The following DAB1 variants were observed in gnomAD, a reference collection of about 807,000 sequenced individuals.
DAB1 encodes the protein disabled homolog 1.
DAB1 carries 15 observed loss-of-function variants against 64.6 expected under a neutral mutation model. The observed-to-expected ratio is 0.23, with a 90% CI of 0.16 to 0.36. The LOEUF is 0.36. DAB1 is among the 10% of genes least tolerant of loss of function. DAB1 has a pLI of 1.00. For synonymous variants in DAB1, 235 were observed against 251.9 expected (o/e 0.93, Z 0.64); for missense variants, 596 against 706.7 (o/e 0.84, Z 1.78).
At chr1:57,721,238 G>A (rs1358763639) in intron 6 of DAB1, among the ~76,000 whole-genome samples, 2 of 152,122 alleles carry the variant, frequency 1.3e-5, no homozygotes, top group African/African-American at 4.8e-5. Context: ...TCTAATTCCT[G>A]CCGCTGGAGA....
chr1:57,085,909 T>G lies in DAB1; in HGVS notation c.307-13495A>C, dbSNP rs531011785. Among the ~76,000 whole-genome samples the G allele has an allele frequency of 7.2e-5, 11 of 152,278 alleles. No individual in the cohort carries two copies. In the South Asian group the frequency reaches 1.7e-3, roughly 23 times the overall value. Reference sequence around the variant, plus strand: ...CTGAAGTGACTAAATTAGTAGGAACTGACTAGATAAAAATTAGTGAGTGTG... The same window carrying G: ...CTGAAGTGACTAAATTAGTAGGAACGGACTAGATAAAAATTAGTGAGTGTG... On this transcript the variant is annotated intron_variant, in intron 4 of 14. Transcript: ENST00000371236.
At chr1:57,674,764 T>C (rs764283125) in intron 6 of DAB1, among the ~76,000 whole-genome samples, 2 of 152,214 alleles carry the variant, frequency 1.3e-5, no homozygotes, top group Non-Finnish European at 2.9e-5. Flanking sequence ...GAACTCAGCA[T>C]GAAAATGGGG....
chr1:57,011,036 T>C (rs963469542), intron 13 of DAB1, 109 bp downstream of exon 13: 16 of 1,416,892 alleles, frequency 1.1e-5, no homozygotes, highest in Non-Finnish European at 1.5e-5. Flanking sequence ...ACTTATGAGA[T>C]TGAGCCAGCA....
rs889147627 is a variant in DAB1, at chr1:57,085,003, C to T, written c.307-12589G>A. On this transcript the variant is annotated intron_variant, in intron 4 of 14. Transcript: ENST00000371236. ...AAAGAAATTAGCACCAAATCGCCCC[C>T]TTTTGTGAAAATGCACCAAACACCG... Among the ~76,000 whole-genome samples, 43 of 152,172 alleles carry T rather than the reference C, an allele frequency of 2.8e-4. 1 individual carries two copies. The highest frequency in any genetic ancestry group is 1.0e-3 in the African/African-American group (42 of 41,432).
chr1:58,249,875 C>T (rs894564071), intron 4 of DAB1, among the ~76,000 whole-genome samples: 2 of 152,222 alleles, frequency 1.3e-5, no homozygotes, highest in Non-Finnish European at 2.9e-5. Flanking sequence ...CTCGCCTGCG[C>T]CTTTGCGCGC....
At chr1:58,434,139 G>A (rs907090930) in intron 3 of DAB1, among the ~76,000 whole-genome samples, 3 of 152,178 alleles carry the variant, frequency 2.0e-5, no homozygotes, top group African/African-American at 7.2e-5. Context: ...GTTGGGTTTT[G>A]ATCAGAAAAG....
intron 1 of DAB1, among the ~76,000 whole-genome samples, chr1:57,349,337 G>C (rs572287853): frequency 6.6e-6 from 1 of 151,986 alleles, no homozygotes; most frequent in African/African-American, 2.4e-5. Context: ...CTGTATTCTG[G>C]GTAAGAAGAG....
At chr1:58,453,658 T>C (rs1645162680) in intron 3 of DAB1, among the ~76,000 whole-genome samples, 1 of 152,208 alleles carries the variant, frequency 6.6e-6, no homozygotes, top group Non-Finnish European at 1.5e-5. Context: ...TCCTTGCCTC[T>C]GCAGAAACAC....
At chr1:57,939,184 C>A (rs151167920) in intron 5 of DAB1, among the ~76,000 whole-genome samples, 1 of 152,044 alleles carries the variant, frequency 6.6e-6, no homozygotes, top group African/African-American at 2.4e-5. Context: ...TCTCACATGG[C>A]AGAGAGACAG....
At chr1:57,273,350 C>T (rs535762230) in intron 2 of DAB1, among the ~76,000 whole-genome samples, 1 of 152,166 alleles carries the variant, frequency 6.6e-6, no homozygotes, top group Non-Finnish European at 1.5e-5. Flanking sequence ...GAACATGTTT[C>T]CCATAGGCCA....
chr1:58,408,581 G>A (rs925854570), intron 3 of DAB1, among the ~76,000 whole-genome samples: 1 of 152,164 alleles, frequency 6.6e-6, no homozygotes, highest in Non-Finnish European at 1.5e-5. Flanking sequence ...TGATTGGTGG[G>A]AAAGCAGGGG....
chr1:57,466,493 C>A (rs1243774731), intron 7 of DAB1, among the ~76,000 whole-genome samples: 1 of 152,114 alleles, frequency 6.6e-6, no homozygotes, highest in East Asian at 1.9e-4. Flanking sequence ...CTATTAATTG[C>A]CAAACCTAGA....
intron 4 of DAB1, among the ~76,000 whole-genome samples, chr1:58,259,875 T>A (rs149978354): frequency 2.6e-5 from 4 of 152,312 alleles, no homozygotes; most frequent in Admixed American, 2.6e-4. Context: ...TGATGATAGA[T>A]AACACTTACA....
intron 6 of DAB1, among the ~76,000 whole-genome samples, chr1:57,760,742 T>C (rs1440867040): frequency 6.6e-6 from 1 of 152,122 alleles, no homozygotes; most frequent in Admixed American, 6.6e-5. Flanking sequence ...GATCCAGGTC[T>C]GCTCAAAATA....
intron 4 of DAB1, among the ~76,000 whole-genome samples, chr1:57,110,330 C>A (rs1322078522): frequency 6.6e-6 from 1 of 152,178 alleles, no homozygotes; most frequent in Non-Finnish European, 1.5e-5. Flanking sequence ...GCTGGCTGTA[C>A]CCTGCTTCCA....
chr1:57,498,117 A>G (rs751268297), intron 7 of DAB1, among the ~76,000 whole-genome samples: 1 of 152,236 alleles, frequency 6.6e-6, no homozygotes, highest in Non-Finnish European at 1.5e-5. Context: ...TCAGATTCTT[A>G]TTAACTTGTG....
intron 2 of DAB1, among the ~76,000 whole-genome samples, chr1:57,162,949 T>C (rs531861442): frequency 8.5e-5 from 13 of 152,332 alleles, no homozygotes; most frequent in Non-Finnish European, 1.8e-4. Context: ...GAAGAGACAG[T>C]GACTAAGTGT....
chr1:58,018,993 T>A (rs1207144655), intron 5 of DAB1, among the ~76,000 whole-genome samples: 11 of 152,142 alleles, frequency 7.2e-5, no homozygotes, highest in African/African-American at 2.2e-4. Flanking sequence ...AGACTTAGAG[T>A]TAGGAGACCT....
At chr1:57,312,445 T>G (rs1292167648) in intron 1 of DAB1, among the ~76,000 whole-genome samples, 2 of 152,070 alleles carry the variant, frequency 1.3e-5, no homozygotes, top group Non-Finnish European at 2.9e-5. Flanking sequence ...ATTTTACCAC[T>G]GGGGAAAGTG....
Sources: allele counts gnomAD v4.1 joint callset (sites outside exome capture counted in the v4.1 genomes callset), GRCh38; gene constraint gnomAD v4.1.1; transcripts MANE v1.5; gene names NCBI Gene and HGNC (gene_info 2026-07-23, HGNC 2026-07-21).